The following AFF3 variants were observed in gnomAD, a reference collection of about 807,000 sequenced individuals.
The protein encoded by AFF3 is AF4/FMR2 family member 3.
AFF3 carries 32 observed loss-of-function variants against 129.7 expected under a neutral mutation model. That is an observed-to-expected ratio of 0.25 (90% CI 0.19 to 0.33). The LOEUF (loss-of-function observed/expected upper bound fraction) is 0.33. AFF3 is among the 10% of genes least tolerant of loss of function. AFF3 has a pLI of 1.00. For missense variants in AFF3, 1,373 were observed against 1,592.0 expected, an observed-to-expected ratio of 0.86 and a Z score of 2.34; for synonymous variants, 644 against 635.4, an observed-to-expected ratio of 1.01 and a Z score of -0.20.
rs534344395 is a variant in AFF3 at position 99,916,664 on chromosome 2, C to T, written c.874-79140G>A. 4.6e-5 allele frequency among the ~76,000 whole-genome samples: 7 copies of T among 152,246 alleles called. No homozygotes were observed. The East Asian group carries it at 1.4e-3, about 29-fold the overall frequency. On this transcript the variant is annotated intron_variant, in intron 7 of 24. Coordinates refer to ENST00000672756, the MANE Select transcript of AFF3 (RefSeq NM_001386135.1). ...CAGTACAACCACAGTCAAGAACCAGCAGGCCAGTGGCACACTGGTTCTTGA... is the reference window on the plus strand; with the variant it reads ...CAGTACAACCACAGTCAAGAACCAGTAGGCCAGTGGCACACTGGTTCTTGA...
intron 4 of AFF3, chr2:100,011,645 T>G (rs915416987): frequency 4.5e-5 from 35 of 770,332 alleles, no homozygotes; most frequent in African/African-American, 1.4e-4. Flanking sequence ...TTAGCGTGCA[T>G]GAGTCTGTCA....
intron 8 of AFF3, among the ~76,000 whole-genome samples, chr2:99,812,695 C>T (rs190654078): frequency 1.0e-3 from 156 of 152,280 alleles, no homozygotes; most frequent in African/African-American, 3.5e-3. Context: ...GAATAATAAT[C>T]GGTTTACTTT....
At chr2:100,076,838 C>T (rs749401989) in intron 4 of AFF3, among the ~76,000 whole-genome samples, 2 of 152,140 alleles carry the variant, frequency 1.3e-5, no homozygotes, top group Non-Finnish European at 1.5e-5. Context: ...ATGCTATCAA[C>T]GTTATGTATG....
At chr2:99,887,968 G>T (rs1481148677) in intron 7 of AFF3, among the ~76,000 whole-genome samples, 1 of 152,156 alleles carries the variant, frequency 6.6e-6, no homozygotes, top group Non-Finnish European at 1.5e-5. Context: ...AATATCCATG[G>T]ACGTCCATGA....
At chr2:100,135,746 C>G (rs1692614363) in intron 1 of AFF3, among the ~76,000 whole-genome samples, 1 of 152,200 alleles carries the variant, frequency 6.6e-6, no homozygotes, top group African/African-American at 2.4e-5. Context: ...GAGTTCTGAG[C>G]AGTCATATAT....
intron 11 of AFF3, among the ~76,000 whole-genome samples, chr2:99,676,747 T>C (rs577258317): frequency 6.6e-6 from 1 of 152,290 alleles, no homozygotes; most frequent in Admixed American, 6.5e-5. Flanking sequence ...GAAAGGGTCA[T>C]GTTCCTGAGA....
chr2:99,861,217 T>A (rs1000952640), intron 7 of AFF3, among the ~76,000 whole-genome samples: 1 of 152,218 alleles, frequency 6.6e-6, no homozygotes, highest in Non-Finnish European at 1.5e-5. Context: ...AAATTGATGT[T>A]GCCACTGACT....
At chr2:99,825,370 T>C (rs1414056290) in intron 8 of AFF3, among the ~76,000 whole-genome samples, 1 of 152,184 alleles carries the variant, frequency 6.6e-6, no homozygotes, top group Non-Finnish European at 1.5e-5. Context: ...GTGTGTACAA[T>C]AGTAATTTGC....
rs181713818 is a variant in AFF3 at position 99,799,100 on chromosome 2, A to C, written c.921+38377T>G. Among the ~76,000 whole-genome samples the C allele has an allele frequency of 9.4e-4, 143 of 152,188 alleles. 3 individuals carry two copies. Among genetic ancestry groups the C allele is most frequent in the Non-Finnish European group, 9.1e-4 (62 of 67,902 alleles). On this transcript the variant is annotated intron_variant, in intron 8 of 24. Coordinates refer to ENST00000672756, the MANE Select transcript of AFF3 (RefSeq NM_001386135.1). ...CTAGTAAATATAACCTGAAATTTAA[A>C]GATAAATGCCATGTATACTAGTATC...
chr2:99,712,371 A>G (rs1254581987), intron 11 of AFF3, among the ~76,000 whole-genome samples: 1 of 152,222 alleles, frequency 6.6e-6, no homozygotes, highest in Non-Finnish European at 1.5e-5. Flanking sequence ...AAATTGAGGA[A>G]AGACGAGCCC....
intron 7 of AFF3, among the ~76,000 whole-genome samples, chr2:99,906,892 A>G (rs992221343): frequency 6.6e-6 from 1 of 151,958 alleles, no homozygotes; most frequent in African/African-American, 2.4e-5. Context: ...ACACATCCAT[A>G]TATCGCCTAC....
At chr2:100,049,700 T>C (rs545339709) in intron 4 of AFF3, among the ~76,000 whole-genome samples, 1 of 152,184 alleles carries the variant, frequency 6.6e-6, no homozygotes, top group Admixed American at 6.5e-5. Flanking sequence ...ATGTGGGTGA[T>C]GAGTATTCGC....
chr2:100,080,371 T>C (rs1688950875), intron 4 of AFF3, among the ~76,000 whole-genome samples: 1 of 152,246 alleles, frequency 6.6e-6, no homozygotes, highest in African/African-American at 2.4e-5. Context: ...AAAACGTTAA[T>C]ATAGTTCATC....
chr2:99,891,439 A>C (rs1283787211), intron 7 of AFF3, among the ~76,000 whole-genome samples: 1 of 152,164 alleles, frequency 6.6e-6, no homozygotes, highest in Non-Finnish European at 1.5e-5. Flanking sequence ...AAAAGACATG[A>C]TCAGTAAAGA....
chr2:99,700,160 G>A lies in AFF3; in HGVS notation c.1091+26917C>T, dbSNP rs553384215. Reference sequence around the variant, plus strand: ...TTTTGAGACGAAGTCTCGCTCTGTCGCCCAGGCTGGAGTGCAGTGGTGCGA... The same window carrying A: ...TTTTGAGACGAAGTCTCGCTCTGTCACCCAGGCTGGAGTGCAGTGGTGCGA... On this transcript the variant is annotated intron_variant, in intron 11 of 24. Transcript: ENST00000672756. Among the ~76,000 whole-genome samples, 8 of 149,410 alleles carry A rather than the reference G, an allele frequency of 5.4e-5. No homozygotes were observed. In the South Asian group the frequency reaches 8.4e-4, roughly 16 times the overall value.
intron 8 of AFF3, among the ~76,000 whole-genome samples, chr2:99,795,494 C>T (rs1260989678): frequency 6.6e-6 from 1 of 152,080 alleles, no homozygotes; most frequent in African/African-American, 2.4e-5. Flanking sequence ...CAGATTTTAC[C>T]ACTACACAAT....
At chr2:99,951,421 C>G (rs1676152622) in intron 7 of AFF3, among the ~76,000 whole-genome samples, 1 of 152,146 alleles carries the variant, frequency 6.6e-6, no homozygotes, top group African/African-American at 2.4e-5. Flanking sequence ...ACATCACTTT[C>G]ACTGACATCA....
intron 4 of AFF3, among the ~76,000 whole-genome samples, chr2:100,036,972 G>A (rs970219142): frequency 2.6e-5 from 4 of 152,138 alleles, no homozygotes; most frequent in Non-Finnish European, 4.4e-5. Flanking sequence ...GGTCTCATGC[G>A]CTCCTGGTGA....
At chr2:99,580,195 T>C (rs952873932) in intron 17 of AFF3, among the ~76,000 whole-genome samples, 3 of 152,188 alleles carry the variant, frequency 2.0e-5, no homozygotes, top group Non-Finnish European at 2.9e-5. Context: ...GTAATGCTCT[T>C]TGTCTCTTAG....
Sources: allele counts gnomAD v4.1 joint callset (sites outside exome capture counted in the v4.1 genomes callset), GRCh38; gene constraint gnomAD v4.1.1; transcripts MANE v1.5; gene names NCBI Gene and HGNC (gene_info 2026-07-23, HGNC 2026-07-21).